Variants in CUBN observed in about 807,000 individuals in gnomAD.
The protein encoded by CUBN is 460 kDa receptor.
In CUBN, 282 loss-of-function variants were observed where a neutral mutation model predicts 405.3. That is an observed-to-expected ratio of 0.70 (90% CI 0.63 to 0.77). CUBN has a LOEUF of 0.77. CUBN is among the 30% of genes least tolerant of loss of function. The pLI, the probability that CUBN is intolerant of heterozygous loss-of-function variation, is 0.00. For synonymous variants in CUBN, 1,684 were observed against 1,617.0 expected (o/e 1.04, Z -0.99); for missense variants, 4,514 against 4,475.2 (o/e 1.01, Z -0.25).
At chr10:16,914,652 T>C (rs1174722095) in intron 47 of CUBN, among the ~76,000 whole-genome samples, 1 of 134,076 alleles carries the variant, frequency 7.5e-6, no homozygotes, top group Non-Finnish European at 1.7e-5. Context: ...CAAGACCCCA[T>C]GTTCACAAAA....
At chr10:17,071,256 C>T (rs537367869) in intron 19 of CUBN, among the ~76,000 whole-genome samples, 170 bp downstream of exon 19, 1 of 152,200 alleles carries the variant, frequency 6.6e-6, no homozygotes, top group Admixed American at 6.5e-5. Context: ...TCTTTTTGTG[C>T]TAGATTCACT....
chr10:16,916,339 T>C (rs1164526199), intron 45 of CUBN, among the ~76,000 whole-genome samples: 2 of 152,210 alleles, frequency 1.3e-5, no homozygotes, highest in African/African-American at 4.8e-5. Flanking sequence ...TAAGAGCTAA[T>C]AGTCGCAAGT....
In CUBN at chr10:16,888,500, T is replaced by C. The variant is rs755112553; in HGVS notation, c.8822A>G (p.Asp2941Gly). ...IISPNYPKQY[D>G]NNMNCTYVIE... ...GACATAGGTGCAATTCATGTTGTTG[T>C]CATATTGTTTTGGGTAATTTGGAGA... Residue 2941 changes from aspartate (D) to glycine (G), a missense_variant, in exon 56 of 67, where the codon GAC (aspartate) becomes GGC (glycine). This residue lies in a region of CUBN where 1,186 missense variants were observed against 1,186.9 expected (regional missense o/e 1.00). Coordinates refer to ENST00000377833, the MANE Select transcript of CUBN (RefSeq NM_001081.4). The C allele has an allele frequency of 3.7e-6, 6 of 1,613,490 alleles. No individual in the cohort carries two copies. The South Asian group carries it at 5.5e-5, about 15-fold the overall frequency.
At chr10:16,869,183 T>TTTTTA (rs1840274686) in intron 59 of CUBN, among the ~76,000 whole-genome samples, 1 of 147,696 alleles carries the variant, frequency 6.8e-6, no homozygotes, top group African/African-American at 2.6e-5. Context: ...TTTTTTTTTT[T>TTTTTA]GAGACAGAGT....
chr10:16,860,742 CTG>C (rs1839989727), intron 59 of CUBN, among the ~76,000 whole-genome samples: 1 of 152,228 alleles, frequency 6.6e-6, no homozygotes, highest in Non-Finnish European at 1.5e-5. Flanking sequence ...AAATGGAACA[CTG>C]TGTTATTGAT....
chr10:17,030,050 G>A (rs1564487354), intron 27 of CUBN, among the ~76,000 whole-genome samples: 1 of 152,204 alleles, frequency 6.6e-6, no homozygotes, highest in Non-Finnish European at 1.5e-5. Context: ...AACTGCACAC[G>A]CGAGGGATCT....
chr10:17,081,731 A>G (rs970886652), intron 17 of CUBN, among the ~76,000 whole-genome samples: 7 of 152,182 alleles, frequency 4.6e-5, no homozygotes, highest in African/African-American at 2.4e-5. Flanking sequence ...ACCAAAGTCA[A>G]TGTACGTCCA....
intron 27 of CUBN, among the ~76,000 whole-genome samples, chr10:17,036,494 A>C (rs911001932): frequency 1.3e-5 from 2 of 152,074 alleles, no homozygotes; most frequent in Middle Eastern, 3.2e-3. Context: ...GAGCCTTCTC[A>C]AAGTAACCAG....
chr10:16,907,402 G>C, intron 49 of CUBN, 106 bp downstream of exon 49: 1 of 1,170,004 alleles, frequency 8.5e-7, no homozygotes, highest in Non-Finnish European at 1.3e-6. Context: ...AAGATTTCAA[G>C]TATCACTAAA....
At chr10:17,035,586 A>C (rs1834877700) in intron 27 of CUBN, among the ~76,000 whole-genome samples, 1 of 152,230 alleles carries the variant, frequency 6.6e-6, no homozygotes, top group African/African-American at 2.4e-5. Flanking sequence ...TAGTGATTAC[A>C]GAGCTGATTT....
Position 16,933,260 on chromosome 10 carries a change from G to A in CUBN, c.5951C>T (p.Thr1984Met), listed in dbSNP as rs150924438. 7.1e-5 allele frequency: 114 copies of A among 1,613,734 alleles called. No individual in the cohort carries two copies. Among genetic ancestry groups the A allele is most frequent in the Middle Eastern group, 3.4e-4 (2 of 5,928 alleles). ...APGACGGFLR[T>M]GDAPVFLFSP... ...GAAGAGAAACACGGGTGCATCTCCC[G>A]TCCTCAGGAAGCCACCACAAGCACC... Residue 1984 changes from threonine to methionine, a missense_variant, in exon 40 of 67, where the codon ACG becomes ATG. By Grantham distance (81) the Thr-to-Met change is moderately conservative (BLOSUM62 -1). Transcript: ENST00000377833.
intron 33 of CUBN, 133 bp downstream of exon 33, chr10:16,952,143 A>T (rs1842936913): frequency 2.9e-6 from 2 of 700,852 alleles, no homozygotes; most frequent in South Asian, 3.0e-5. Flanking sequence ...CACATCAGGA[A>T]TTGGGACTTG....
rs752334971 is a variant in CUBN, at chr10:16,918,742, A to T, written c.6880T>A (p.Ser2294Thr). 1.2e-6 allele frequency: 2 copies of T among 1,613,858 alleles called. No individual in the cohort carries two copies. Among genetic ancestry groups the T allele is most frequent in the Middle Eastern group, 1.6e-4 (1 of 6,084 alleles). Residue 2294 changes from serine to threonine, a missense_variant, in exon 45 of 67, where the codon TCC becomes ACC. Physicochemically the swap from Ser to Thr is moderately conservative, Grantham distance 58. Around this residue, in one of 5 missense-constraint regions of CUBN, gnomAD observed 1,613 missense variants for 1,542.8 expected, o/e 1.05. Coordinates refer to ENST00000377833, the MANE Select transcript of CUBN (RefSeq NM_001081.4). ...GGCAAAGATGTCCCACAAAATTTGG[A>T]AAGTATTGGTGCATCCGAATCCACT... ...DGVDSDAPIL[S>T]KFCGTSLPSS...
In CUBN at chr10:17,043,886, A is replaced by G. The variant is rs377264822; in HGVS notation, c.3770T>C (p.Ile1257Thr). The G allele has an allele frequency of 6.2e-7, 1 of 1,613,582 alleles. No individual in the cohort carries two copies. Among genetic ancestry groups the G allele is most frequent in the African/African-American group, 1.3e-5 (1 of 74,858 alleles). The change falls in exon 26 of 67, where the codon ATA becomes ACA. Residue 1257 changes from isoleucine to threonine, a missense_variant. By Grantham distance (89) the Ile-to-Thr change is moderately conservative. Around this residue, in one of 5 missense-constraint regions of CUBN, gnomAD observed 242 missense variants for 309.0 expected, o/e 0.78. Transcript: ENST00000377833. ...LIRSSGDSMF[I>T]KLRTDEGQQG... ...CTGACCTTCATCTGTCCTCAGTTTTATAAACATGCTGTCTCCACTAGAACG... is the reference window on the plus strand; with the variant it reads ...CTGACCTTCATCTGTCCTCAGTTTTGTAAACATGCTGTCTCCACTAGAACG...
At chr10:16,972,096 T>C (rs1246060303) in intron 31 of CUBN, among the ~76,000 whole-genome samples, 1 of 152,144 alleles carries the variant, frequency 6.6e-6, no homozygotes, top group Non-Finnish European at 1.5e-5. Context: ...CCCTCGTGGT[T>C]TGAATGCTAC....
intron 50 of CUBN, among the ~76,000 whole-genome samples, chr10:16,904,487 T>G (rs938962583): frequency 6.6e-6 from 1 of 152,218 alleles, no homozygotes; most frequent in Non-Finnish European, 1.5e-5. Context: ...ATAAAATATA[T>G]CCTCAAGATA....
chr10:17,000,732 T>A (rs950251959), intron 28 of CUBN, among the ~76,000 whole-genome samples: 2 of 152,348 alleles, frequency 1.3e-5, no homozygotes, highest in African/African-American at 4.8e-5. Flanking sequence ...ACACTGAGTT[T>A]TGTGTTCTGA....
chr10:16,904,414 G>T (rs1408910658), intron 50 of CUBN, among the ~76,000 whole-genome samples: 2 of 152,156 alleles, frequency 1.3e-5, no homozygotes, highest in African/African-American at 2.4e-5. Context: ...GAGATACAAT[G>T]AATTAAAATA....
intron 48 of CUBN, among the ~76,000 whole-genome samples, chr10:16,910,336 AG>A (rs1841692466): frequency 6.6e-6 from 1 of 152,024 alleles, no homozygotes; most frequent in Admixed American, 6.6e-5. Context: ...GTAGGGGCAA[AG>A]GCCAACCCAC....
Sources: gnomAD v4.1 joint callset for allele counts (sites outside exome capture counted in the v4.1 genomes callset) on GRCh38, gnomAD v4.1.1 for gene constraint, gnomAD v4.1.1 regional missense constraint, MANE v1.5 for transcripts, NCBI Gene and HGNC (gene_info 2026-07-23, HGNC 2026-07-21) for gene names.